DISC1: variants seen among roughly 807,000 people sequenced by gnomAD.
DISC1 encodes the protein DISC1 scaffold protein, also known as disrupted in schizophrenia 1 protein.
A neutral mutation model predicts 84.5 loss-of-function variants in DISC1; 57 were observed. The observed-to-expected ratio is 0.67, with a 90% CI of 0.55 to 0.84. The LOEUF is 0.84. DISC1 is among the 40% of genes least tolerant of loss of function. The pLI is 0.00. For missense variants in DISC1, 1,000 were observed against 1,057.8 expected (o/e 0.95, Z 0.76); for synonymous variants, 411 against 415.2 (o/e 0.99, Z 0.12).
chr1:231,824,723 C>G (rs2081735892), intron 9 of DISC1, among the ~76,000 whole-genome samples: 1 of 152,134 alleles, frequency 6.6e-6, no homozygotes, highest in South Asian at 2.1e-4. Flanking sequence ...TCAGTCCTGC[C>G]CTTCCCTAAT....
intron 6 of DISC1, among the ~76,000 whole-genome samples, chr1:231,782,438 T>A (rs570921026): frequency 6.6e-6 from 1 of 152,108 alleles, no homozygotes; most frequent in Non-Finnish European, 1.5e-5. Context: ...TTGAGAGAAA[T>A]GTGAGGTTAA....
chr1:231,693,886 C>T lies in DISC1; in HGVS notation c.128C>T (p.Pro43Leu), dbSNP rs756229499. 13 of 1,614,152 alleles carry T rather than the reference C, an allele frequency of 8.1e-6. No homozygotes were observed. Among genetic ancestry groups the T allele is most frequent in the Middle Eastern group, 3.3e-4 (2 of 6,024 alleles). The change falls in exon 2 of 13, where the codon CCG becomes CTG. Residue 43 changes from proline to leucine, a missense_variant. This residue lies in a region of DISC1 where 292 missense variants were observed against 280.2 expected (regional missense o/e 1.04). Transcript: ENST00000439617. ...CFRRRRLARR[P>L]GYMRSSTGPG... ...CGGAGGCGGCGGCTGGCACGGAGGCCGGGCTACATGAGAAGCTCGACAGGG... is the reference window on the plus strand; with the variant it reads ...CGGAGGCGGCGGCTGGCACGGAGGCTGGGCTACATGAGAAGCTCGACAGGG...
intron 9 of DISC1, among the ~76,000 whole-genome samples, chr1:231,939,437 C>T (rs2091170641): frequency 6.6e-6 from 1 of 152,218 alleles, no homozygotes; most frequent in South Asian, 2.1e-4. Context: ...CTGTAATGAA[C>T]TAAGAAAGTG....
chr1:231,972,513 A>G (rs955927638), intron 10 of DISC1, among the ~76,000 whole-genome samples: 10 of 152,206 alleles, frequency 6.6e-5, no homozygotes, highest in Non-Finnish European at 1.3e-4. Flanking sequence ...AGCTGTGATG[A>G]TGAGAGCTTG....
At chr1:231,778,920 C>T (rs1477535303) in intron 6 of DISC1, among the ~76,000 whole-genome samples, 1 of 152,144 alleles carries the variant, frequency 6.6e-6, no homozygotes, top group Non-Finnish European at 1.5e-5. Flanking sequence ...GCCGGGAGGT[C>T]GGATTTGCCT....
chr1:232,011,853 G>A (rs554960878), intron 11 of DISC1, among the ~76,000 whole-genome samples: 2 of 152,176 alleles, frequency 1.3e-5, no homozygotes, highest in African/African-American at 4.8e-5. Flanking sequence ...TTTGTCTCAG[G>A]GCTATCAAAA....
intron 11 of DISC1, among the ~76,000 whole-genome samples, chr1:232,019,245 G>T (rs562551871): frequency 2.0e-5 from 3 of 152,136 alleles, no homozygotes; most frequent in African/African-American, 7.2e-5. Flanking sequence ...AAAAGAGGGG[G>T]TGTTAGGTGT....
At chr1:231,903,668 G>C (rs1010100616) in intron 9 of DISC1, among the ~76,000 whole-genome samples, 1 of 152,206 alleles carries the variant, frequency 6.6e-6, no homozygotes, top group Non-Finnish European at 1.5e-5. Context: ...GTTCCAGGCA[G>C]AGGGAGCCTC....
Position 231,654,306 on chromosome 1 carries a change from G to T in DISC1, c.67+27372G>T, listed in dbSNP as rs934907026. Among the ~76,000 whole-genome samples the T allele has an allele frequency of 2.0e-5, 3 of 147,296 alleles. No individual in the cohort carries two copies. The South Asian group carries it at 6.5e-4, about 32-fold the overall frequency. On this transcript the variant is annotated intron_variant, in intron 1 of 12. Transcript: ENST00000439617. The stretch of plus-strand genomic sequence containing the variant: ...ATACATTTATGTCAAAAATTTGATA[G>T]GATTCTGTTTTTTTTTTAAATTAAT...
At chr1:231,983,642 G>A (rs1424935925) in intron 10 of DISC1, among the ~76,000 whole-genome samples, 1 of 136,416 alleles carries the variant, frequency 7.3e-6, no homozygotes, top group African/African-American at 2.8e-5. Context: ...GTTGGGGGTT[G>A]GGGGGAGGGG....
intron 10 of DISC1, among the ~76,000 whole-genome samples, chr1:231,960,433 A>G (rs1660230220): frequency 2.0e-5 from 3 of 151,980 alleles, no homozygotes; most frequent in South Asian, 4.2e-4. Flanking sequence ...TTTTATATTT[A>G]GTGGAGATGG....
chr1:231,699,925 A>G (rs2066196018), intron 2 of DISC1, among the ~76,000 whole-genome samples: 1 of 151,758 alleles, frequency 6.6e-6, no homozygotes. Context: ...TTTCACTTTC[A>G]CTTCTTGCTT....
rs569083133 is a variant in DISC1, at chr1:231,990,925, T to C, written c.2043-17860T>C. On this transcript the variant is annotated intron_variant, in intron 10 of 12. Transcript: ENST00000439617. ...TGGTTTGTGGGTAGGGAATACCAGA[T>C]ACGAGGGAGAGCATCCCTAAGGCCT... 2.6e-5 allele frequency among the ~76,000 whole-genome samples: 4 copies of C among 152,336 alleles called. No homozygotes were observed. The South Asian group carries it at 6.2e-4, about 24-fold the overall frequency.
At chr1:232,012,389 T>G (rs821631) in intron 11 of DISC1, among the ~76,000 whole-genome samples, 1 of 152,006 alleles carries the variant, frequency 6.6e-6, no homozygotes, top group South Asian at 2.1e-4. Context: ...ACAGAAGGTA[T>G]GGGGAAATGA....
chr1:231,986,876 A>C (rs1020337915), intron 10 of DISC1, among the ~76,000 whole-genome samples: 1 of 152,164 alleles, frequency 6.6e-6, no homozygotes, highest in Non-Finnish European at 1.5e-5. Context: ...GAAAACAAAA[A>C]TTAATCCCCC....
chr1:231,969,160 C>G (rs1661543492), intron 10 of DISC1, among the ~76,000 whole-genome samples: 1 of 149,832 alleles, frequency 6.7e-6, no homozygotes, highest in Non-Finnish European at 1.5e-5. Flanking sequence ...ATCTGCCAAA[C>G]CTCCTGATTA....
chr1:231,834,525 A>G (rs1301778401), intron 9 of DISC1, among the ~76,000 whole-genome samples: 1 of 152,170 alleles, frequency 6.6e-6, no homozygotes, highest in Non-Finnish European at 1.5e-5. Context: ...GAAAAATTGA[A>G]CGTGCCGTTT....
chr1:231,921,072 A>AT (rs2089970822), intron 9 of DISC1, among the ~76,000 whole-genome samples: 2 of 150,638 alleles, frequency 1.3e-5, no homozygotes, highest in African/African-American at 4.9e-5. Flanking sequence ...AAGCCTGGCT[A>AT]ATTTTTTTTT....
chr1:231,669,294 C>A (rs2062338130), intron 1 of DISC1, among the ~76,000 whole-genome samples: 2 of 152,150 alleles, frequency 1.3e-5, no homozygotes, highest in Admixed American at 1.3e-4. Flanking sequence ...TGAGGCAATA[C>A]CATTCAGGAC....
Sources: gnomAD v4.1 joint callset for allele counts (sites outside exome capture counted in the v4.1 genomes callset) on GRCh38, gnomAD v4.1.1 for gene constraint, gnomAD v4.1.1 regional missense constraint, MANE v1.5 for transcripts, NCBI Gene and HGNC (gene_info 2026-07-23, HGNC 2026-07-21) for gene names.